The following EPHA3 variants were observed in gnomAD, a reference collection of about 807,000 sequenced individuals.
EPHA3 encodes the protein ephrin type-A receptor 3.
In EPHA3, 42 loss-of-function variants were observed where a neutral mutation model predicts 107.1. The observed-to-expected ratio is 0.39, with a 90% CI of 0.31 to 0.51. The LOEUF (loss-of-function observed/expected upper bound fraction) is 0.51. EPHA3 is among the 20% of genes least tolerant of loss of function. The pLI, the probability that EPHA3 is intolerant of heterozygous loss-of-function variation, is 0.78. For missense variants in EPHA3, 1,183 were observed against 1,211.2 expected, an observed-to-expected ratio of 0.98 and a Z score of 0.35; for synonymous variants, 461 against 424.8, an observed-to-expected ratio of 1.09 and a Z score of -1.05.
intron 3 of EPHA3, among the ~76,000 whole-genome samples, chr3:89,225,540 C>T (rs1704483274): frequency 6.6e-6 from 1 of 152,178 alleles, no homozygotes; most frequent in South Asian, 2.1e-4. Flanking sequence ...AATGTATTTT[C>T]AAAGAAAGTT....
At chr3:89,405,586 C>T (rs543360352) in intron 7 of EPHA3, among the ~76,000 whole-genome samples, 3 of 152,296 alleles carry the variant, frequency 2.0e-5, no homozygotes, top group South Asian at 2.1e-4. Context: ...CTATCTGTCA[C>T]GTTTCTTTTC....
chr3:89,254,188 T>C (rs1254397291), intron 3 of EPHA3, among the ~76,000 whole-genome samples: 1 of 152,154 alleles, frequency 6.6e-6, no homozygotes, highest in Non-Finnish European at 1.5e-5. Flanking sequence ...TAAATCTCTA[T>C]AGCTTATATT....
At chr3:89,434,866 G>C (rs998976502) in intron 13 of EPHA3, among the ~76,000 whole-genome samples, 1 of 152,160 alleles carries the variant, frequency 6.6e-6, no homozygotes, top group African/African-American at 2.4e-5. Flanking sequence ...TAGCTGTTTC[G>C]AGTTCTTCAG....
chr3:89,403,709 G>A (rs1259564989), intron 7 of EPHA3, among the ~76,000 whole-genome samples: 2 of 152,184 alleles, frequency 1.3e-5, no homozygotes, highest in East Asian at 3.8e-4. Context: ...GGGATAAAGT[G>A]AAAGTTAAGA....
At chr3:89,222,078 T>G (rs1704390924) in intron 3 of EPHA3, among the ~76,000 whole-genome samples, 1 of 152,072 alleles carries the variant, frequency 6.6e-6, no homozygotes, top group African/African-American at 2.4e-5. Context: ...GAGCCACACC[T>G]CTAATTGCTT....
intron 2 of EPHA3, among the ~76,000 whole-genome samples, chr3:89,203,045 A>T (rs1706009617): frequency 6.6e-6 from 1 of 152,174 alleles, no homozygotes; most frequent in South Asian, 2.1e-4. Context: ...ACATGAGACC[A>T]TGCTACAGAG....
intron 3 of EPHA3, among the ~76,000 whole-genome samples, chr3:89,265,434 G>C (rs1705513368): frequency 6.6e-6 from 1 of 152,018 alleles, no homozygotes. Flanking sequence ...AAAAAATGTT[G>C]CTCCTTCAAA....
intron 10 of EPHA3, among the ~76,000 whole-genome samples, chr3:89,415,493 A>ATAT (rs1559687639): frequency 3.2e-5 from 3 of 93,420 alleles, no homozygotes; most frequent in African/African-American, 1.4e-4. Flanking sequence ...TATATATATA[A>ATAT]GCTAATTCTC....
chr3:89,360,756 G>A (rs1708076098), intron 5 of EPHA3, among the ~76,000 whole-genome samples: 1 of 150,978 alleles, frequency 6.6e-6, no homozygotes, highest in Admixed American at 6.6e-5. Context: ...CTATACTCAT[G>A]TTTATTATTA....
intron 2 of EPHA3, 138 bp from the exon 3 acceptor site, chr3:89,209,722 C>T: frequency 1.4e-6 from 1 of 705,432 alleles, no homozygotes; most frequent in Non-Finnish European, 2.2e-6. Context: ...GAGAACCTTG[C>T]AAATAAAAAC....
intron 2 of EPHA3, among the ~76,000 whole-genome samples, chr3:89,166,472 A>G (rs531508464): frequency 6.6e-6 from 1 of 152,288 alleles, no homozygotes; most frequent in Non-Finnish European, 1.5e-5. Flanking sequence ...AAATTATAAT[A>G]ATTGTTTTTT....
At chr3:89,439,111 A>G (rs901763381) in intron 13 of EPHA3, among the ~76,000 whole-genome samples, 1 of 152,204 alleles carries the variant, frequency 6.6e-6, no homozygotes, top group African/African-American at 2.4e-5. Context: ...ATGACACTAG[A>G]GCAGAAAATG....
In EPHA3 at chr3:89,449,743, G is replaced by C. The variant is rs541372841; in HGVS notation, c.2496+369G>C. On this transcript the variant is annotated intron_variant, in intron 14 of 16. Coordinates refer to ENST00000336596, the MANE Select transcript of EPHA3 (RefSeq NM_005233.6). ...TAGTTACTTAATTTTACAGCACTTA[G>C]GATTTTACAAAAAAAATTACTATAA... 2.4e-3 allele frequency among the ~76,000 whole-genome samples: 360 copies of C among 152,010 alleles called. 1 individual carries two copies. The highest frequency in any genetic ancestry group is 8.2e-3 in the African/African-American group (339 of 41,478).
intron 15 of EPHA3, among the ~76,000 whole-genome samples, chr3:89,454,610 A>G (rs1710060707): frequency 6.6e-6 from 1 of 152,168 alleles, no homozygotes; most frequent in Non-Finnish European, 1.5e-5. Context: ...TTCTTATCAA[A>G]ACATATATGA....
At position 89,431,156 on chromosome 3, in the gene EPHA3, G is replaced by T; in HGVS notation, c.2143G>T (p.Asp715Tyr). ...CATTTGAAATGCTTCCCAGAAACAC[G>T]ATGCCCAGTTTACTGTCATTCAGCT... ...GSLDSFLRKH[D>Y]AQFTVIQLVG... Residue 715 changes from aspartate to tyrosine, a missense_variant, in exon 13 of 17, where the codon GAT becomes TAT. Transcript: ENST00000336596. 1 of 1,612,830 alleles carries T rather than the reference G, an allele frequency of 6.2e-7. No homozygotes were observed. Among genetic ancestry groups the T allele is most frequent in the South Asian group, 1.1e-5 (1 of 90,974 alleles).
rs533070771 is a variant in EPHA3, at chr3:89,225,110, T to G, written c.814+14590T>G. ...ACAAGTGAAATTATCCATCTTGGAATAGCTATGTTAAGATCTAAAGACGTG... is the reference window on the plus strand; with the variant it reads ...ACAAGTGAAATTATCCATCTTGGAAGAGCTATGTTAAGATCTAAAGACGTG... On this transcript the variant is annotated intron_variant, in intron 3 of 16. Transcript: ENST00000336596. 4.9e-4 allele frequency among the ~76,000 whole-genome samples: 75 copies of G among 152,268 alleles called. No individual in the cohort carries two copies. The Middle Eastern group carries it at 0.021, about 42-fold the overall frequency.
rs375631697 is a variant in EPHA3 at position 89,289,355 on chromosome 3, T to G, written c.815-51561T>G. 5.3e-5 allele frequency among the ~76,000 whole-genome samples: 8 copies of G among 152,234 alleles called. No homozygotes were observed. The East Asian group carries it at 7.7e-4, about 15-fold the overall frequency. ...CCTTATGGCTGGCTAAATTTGATAT[T>G]AAAGTTGGTACTCAACATTGGTACT... On this transcript the variant is annotated intron_variant, in intron 3 of 16. Transcript: ENST00000336596.
intron 3 of EPHA3, among the ~76,000 whole-genome samples, chr3:89,228,063 C>G (rs1489672951): frequency 6.6e-6 from 1 of 151,938 alleles, no homozygotes; most frequent in African/African-American, 2.4e-5. Flanking sequence ...GATAACATTG[C>G]AGAGTAGATC....
At chr3:89,328,370 C>T (rs1160163723) in intron 3 of EPHA3, among the ~76,000 whole-genome samples, 1 of 152,126 alleles carries the variant, frequency 6.6e-6, no homozygotes, top group Non-Finnish European at 1.5e-5. Flanking sequence ...TTCTCTACTC[C>T]TAATAAAGTT....
Sources: gnomAD v4.1 joint callset for allele counts (sites outside exome capture counted in the v4.1 genomes callset) on GRCh38, gnomAD v4.1.1 for gene constraint, MANE v1.5 for transcripts, NCBI Gene and HGNC (gene_info 2026-07-23, HGNC 2026-07-21) for gene names.